SPOCK1: variants seen among roughly 807,000 people sequenced by gnomAD.
SPOCK1 encodes the protein testican-1.
Under a neutral mutation model 55.3 loss-of-function variants are expected in SPOCK1, and 23 were observed. That is an observed-to-expected ratio of 0.42 (90% CI 0.30 to 0.59). SPOCK1 has a LOEUF of 0.59. Ranked by LOEUF, SPOCK1 falls within the 20% of genes least tolerant of loss-of-function variation. The pLI is 0.22. For missense variants in SPOCK1, 499 were observed against 552.5 expected (o/e 0.90, Z 0.97); for synonymous variants, 226 against 221.0 (o/e 1.02, Z -0.20).
At chr5:137,066,927 C>A (rs1217989011) in intron 6 of SPOCK1, among the ~76,000 whole-genome samples, 2 of 150,150 alleles carry the variant, frequency 1.3e-5, no homozygotes, top group African/African-American at 4.9e-5. Context: ...CATTCCACTC[C>A]ATTACAAATC....
intron 2 of SPOCK1, among the ~76,000 whole-genome samples, chr5:137,291,513 A>G (rs1757369306): frequency 6.6e-6 from 1 of 152,238 alleles, no homozygotes; most frequent in African/African-American, 2.4e-5. Flanking sequence ...TGGTGTTTCC[A>G]TGGCAACTCC....
intron 6 of SPOCK1, among the ~76,000 whole-genome samples, chr5:137,019,164 T>G (rs937161021): frequency 3.3e-5 from 5 of 152,174 alleles, no homozygotes; most frequent in African/African-American, 9.7e-5. Context: ...TTAAAATCAT[T>G]TTGATTATGG....
intron 6 of SPOCK1, among the ~76,000 whole-genome samples, chr5:137,052,880 C>T (rs941807486): frequency 4.6e-5 from 7 of 151,562 alleles, no homozygotes; most frequent in African/African-American, 1.7e-4. Flanking sequence ...TGTATAACTC[C>T]TATTTTTTTT....
intron 2 of SPOCK1, among the ~76,000 whole-genome samples, chr5:137,431,360 T>C (rs1752739760): frequency 6.6e-6 from 1 of 152,256 alleles, no homozygotes; most frequent in Admixed American, 6.5e-5. Context: ...TGCGTGGGGC[T>C]GGACAAGTTA....
At chr5:137,426,442 A>G (rs1752614049) in intron 2 of SPOCK1, among the ~76,000 whole-genome samples, 1 of 152,158 alleles carries the variant, frequency 6.6e-6, no homozygotes. Flanking sequence ...GACATCAACA[A>G]AAGAAATGAG....
chr5:137,230,580 T>C (rs1756031015), intron 3 of SPOCK1, among the ~76,000 whole-genome samples: 1 of 152,254 alleles, frequency 6.6e-6, no homozygotes, highest in Admixed American at 6.5e-5. Flanking sequence ...AATTATTTCC[T>C]ATTTATCTAT....
At chr5:137,112,701 C>G (rs1753499323) in intron 4 of SPOCK1, 140 bp from the exon 5 acceptor site, 2 of 1,017,846 alleles carry the variant, frequency 2.0e-6, no homozygotes, top group Non-Finnish European at 2.7e-6. Flanking sequence ...TTAGCCAGCA[C>G]TTCCATTTGC....
chr5:137,195,113 C>A (rs568233575), intron 3 of SPOCK1, among the ~76,000 whole-genome samples: 2 of 152,316 alleles, frequency 1.3e-5, no homozygotes, highest in East Asian at 3.9e-4. Flanking sequence ...CTTTTGTTTT[C>A]TTCTCACTCT....
intron 3 of SPOCK1, among the ~76,000 whole-genome samples, chr5:137,181,750 A>G (rs1754974345): frequency 6.6e-6 from 1 of 152,252 alleles, no homozygotes; most frequent in Admixed American, 6.5e-5. Context: ...GTGTAAGCTA[A>G]TCTTGCCACC....
chr5:137,199,244 C>A (rs1036614916), intron 3 of SPOCK1, among the ~76,000 whole-genome samples: 1 of 152,184 alleles, frequency 6.6e-6, no homozygotes, highest in African/African-American at 2.4e-5. Flanking sequence ...CACGTTGACA[C>A]AATGAACCCT....
chr5:137,095,649 A>G (rs1177411264), intron 5 of SPOCK1, among the ~76,000 whole-genome samples: 1 of 152,236 alleles, frequency 6.6e-6, no homozygotes, highest in African/African-American at 2.4e-5. Context: ...CAGGCCCACC[A>G]GCACTGCTCC....
At chr5:137,040,113 C>T (rs901841414) in intron 6 of SPOCK1, among the ~76,000 whole-genome samples, 1 of 152,246 alleles carries the variant, frequency 6.6e-6, no homozygotes, top group Non-Finnish European at 1.5e-5. Context: ...CTGTGTCCAG[C>T]AGCTTCCCAG....
At chr5:137,426,319 A>G (rs1752610303) in intron 2 of SPOCK1, among the ~76,000 whole-genome samples, 2 of 152,212 alleles carry the variant, frequency 1.3e-5, no homozygotes, top group Admixed American at 6.5e-5. Context: ...AAGATTATCA[A>G]CTGCTTACTC....
chr5:137,077,081 G>A (rs547450711), intron 5 of SPOCK1, among the ~76,000 whole-genome samples: 19 of 152,050 alleles, frequency 1.2e-4, no homozygotes, highest in Non-Finnish European at 2.2e-4. Context: ...CCACCACCAC[G>A]CCTGGCTAAT....
chr5:137,249,160 T>G (rs961981982), intron 3 of SPOCK1, among the ~76,000 whole-genome samples: 1 of 152,252 alleles, frequency 6.6e-6, no homozygotes, highest in Admixed American at 6.5e-5. Flanking sequence ...CATTCATGGC[T>G]CAGGCAAATA....
chr5:137,240,896 C>T (rs1048372334), intron 3 of SPOCK1, among the ~76,000 whole-genome samples: 1 of 152,030 alleles, frequency 6.6e-6, no homozygotes, highest in African/African-American at 2.4e-5. Context: ...AATACAAAGT[C>T]CAGAAACTAA....
intron 3 of SPOCK1, among the ~76,000 whole-genome samples, chr5:137,218,531 T>C (rs1367657359): frequency 1.3e-5 from 2 of 152,224 alleles, no homozygotes; most frequent in African/African-American, 4.8e-5. Flanking sequence ...ATATTTGAAG[T>C]TGGAATCCCA....
chr5:137,250,900 C>A (rs1756511788), intron 3 of SPOCK1, among the ~76,000 whole-genome samples: 1 of 152,156 alleles, frequency 6.6e-6, no homozygotes, highest in African/African-American at 2.4e-5. Flanking sequence ...AGTTAGGTAG[C>A]AACACTCCTA....
intron 2 of SPOCK1, among the ~76,000 whole-genome samples, chr5:137,395,856 A>G (rs563705102): frequency 6.6e-6 from 1 of 152,264 alleles, no homozygotes; most frequent in Admixed American, 6.5e-5. Context: ...ACCCTCTGAG[A>G]AAAGCCTAGA....
Sources: allele counts gnomAD v4.1 joint callset (sites outside exome capture counted in the v4.1 genomes callset), GRCh38; gene constraint gnomAD v4.1.1; transcripts MANE v1.5; gene names NCBI Gene and HGNC (gene_info 2026-07-23, HGNC 2026-07-21).